The following CSMD1 variants were observed in gnomAD, a reference collection of about 807,000 sequenced individuals.
CSMD1 encodes the protein CUB and sushi domain-containing protein 1.
A neutral mutation model predicts 417.5 loss-of-function variants in CSMD1; 213 were observed. The observed-to-expected ratio is 0.51, with a 90% CI of 0.46 to 0.57. CSMD1 has a LOEUF of 0.57. Among genes scored for constraint, CSMD1 ranks in the 20% least tolerant of loss-of-function variants. CSMD1 has a pLI of 0.00. For synonymous variants in CSMD1, 2,862 were observed against 1,736.8 expected (o/e 1.65, Z -16.11); for missense variants, 6,923 against 4,529.7 (o/e 1.53, Z -15.17).
intron 3 of CSMD1, among the ~76,000 whole-genome samples, chr8:4,379,429 C>G (rs1316204433): frequency 1.3e-5 from 2 of 152,090 alleles, no homozygotes; most frequent in Admixed American, 6.6e-5. Flanking sequence ...TCCAGTAAAG[C>G]CTGCAGTTTA....
intron 1 of CSMD1, among the ~76,000 whole-genome samples, chr8:4,819,178 C>G (rs1009318495): frequency 6.6e-6 from 1 of 152,122 alleles, no homozygotes; most frequent in Non-Finnish European, 1.5e-5. Flanking sequence ...TCTCAAGGAA[C>G]ACACATTCAA....
intron 49 of CSMD1, among the ~76,000 whole-genome samples, chr8:3,073,775 A>G (rs1156997527): frequency 7.0e-6 from 1 of 143,438 alleles, no homozygotes; most frequent in Non-Finnish European, 1.5e-5. Context: ...AATATAAAAT[A>G]TAATGGTCAA....
intron 3 of CSMD1, among the ~76,000 whole-genome samples, chr8:4,080,002 T>A (rs542598576): frequency 3.2e-4 from 48 of 148,078 alleles, no homozygotes; most frequent in African/African-American, 1.2e-3. Flanking sequence ...CGAATATTGG[T>A]GTTTTTTTTT....
chr8:4,445,289 C>G (rs533421360), intron 2 of CSMD1, among the ~76,000 whole-genome samples: 1 of 152,132 alleles, frequency 6.6e-6, no homozygotes, highest in East Asian at 1.9e-4. Flanking sequence ...TATGACATTC[C>G]GTTAGTTATA....
intron 5 of CSMD1, among the ~76,000 whole-genome samples, chr8:3,897,137 G>A (rs1807424393): frequency 6.6e-6 from 1 of 152,196 alleles, no homozygotes; most frequent in African/African-American, 2.4e-5. Context: ...GAGACCCAGT[G>A]TTTTTAAAAC....
intron 2 of CSMD1, among the ~76,000 whole-genome samples, chr8:4,496,503 G>C (rs1254995420): frequency 2.6e-5 from 4 of 152,176 alleles, no homozygotes; most frequent in East Asian, 3.9e-4. Flanking sequence ...TTGTAAGTCG[G>C]GTAATATACC....
chr8:4,002,832 C>G (rs1035442178), intron 4 of CSMD1, among the ~76,000 whole-genome samples: 1 of 152,086 alleles, frequency 6.6e-6, no homozygotes, highest in Admixed American at 6.5e-5. Flanking sequence ...TACAAAATAC[C>G]TGTTACACAA....
At chr8:4,512,100 C>G (rs989475236) in intron 2 of CSMD1, among the ~76,000 whole-genome samples, 1 of 152,136 alleles carries the variant, frequency 6.6e-6, no homozygotes, top group Non-Finnish European at 1.5e-5. Context: ...CCATGTTTCA[C>G]TGGGATTCAT....
At chr8:4,964,199 T>A (rs537071229) in intron 1 of CSMD1, among the ~76,000 whole-genome samples, 1 of 152,014 alleles carries the variant, frequency 6.6e-6, no homozygotes, top group Non-Finnish European at 1.5e-5. Context: ...CATTAATACA[T>A]TTTAGAGCAA....
intron 1 of CSMD1, among the ~76,000 whole-genome samples, chr8:4,956,879 A>G (rs544317045): frequency 6.6e-6 from 1 of 152,284 alleles, no homozygotes; most frequent in South Asian, 2.1e-4. Context: ...CCTCCACACC[A>G]AGCGGCAATC....
At chr8:4,033,765 G>C (rs193280397) in intron 3 of CSMD1, among the ~76,000 whole-genome samples, 2 of 151,966 alleles carry the variant, frequency 1.3e-5, no homozygotes, top group African/African-American at 4.8e-5. Context: ...GTTCTTTTTG[G>C]TCCTCTCACT....
chr8:4,727,947 T>C (rs1422325858), intron 1 of CSMD1, among the ~76,000 whole-genome samples: 2 of 79,386 alleles, frequency 2.5e-5, no homozygotes, highest in Non-Finnish European at 4.4e-5. Context: ...ATACAAAATA[T>C]ATATATGTAT....
intron 49 of CSMD1, among the ~76,000 whole-genome samples, chr8:3,084,119 C>G (rs1814344190): frequency 6.6e-6 from 1 of 152,174 alleles, no homozygotes; most frequent in Non-Finnish European, 1.5e-5. Flanking sequence ...CCACAACACA[C>G]CATATGCAAT....
intron 3 of CSMD1, among the ~76,000 whole-genome samples, chr8:4,119,599 G>GT (rs1802364154): frequency 6.6e-6 from 1 of 151,474 alleles, no homozygotes; most frequent in Admixed American, 6.6e-5. Flanking sequence ...TCTATCTAGG[G>GT]AGGAGACCAG....
chr8:4,669,598 A>C (rs1300553889), intron 1 of CSMD1, among the ~76,000 whole-genome samples: 1 of 152,210 alleles, frequency 6.6e-6, no homozygotes, highest in Non-Finnish European at 1.5e-5. Flanking sequence ...GCATTAGGGT[A>C]GCTACTAAGT....
At chr8:4,323,755 C>T (rs527541507) in intron 3 of CSMD1, among the ~76,000 whole-genome samples, 2 of 61,108 alleles carry the variant, frequency 3.3e-5, no homozygotes, top group African/African-American at 3.4e-5. Flanking sequence ...CTCAAATATC[C>T]CCCCCTTCCC....
intron 5 of CSMD1, among the ~76,000 whole-genome samples, chr8:3,841,595 A>G (rs1275381982): frequency 6.6e-6 from 1 of 152,184 alleles, no homozygotes; most frequent in Non-Finnish European, 1.5e-5. Flanking sequence ...TATTAGCACT[A>G]GAAAGGATTT....
At chr8:4,290,136 G>A (rs1446073844) in intron 3 of CSMD1, among the ~76,000 whole-genome samples, 2 of 152,174 alleles carry the variant, frequency 1.3e-5, no homozygotes, top group East Asian at 3.9e-4. Context: ...AACAGGCAGG[G>A]AGTGGTGAGG....
intron 37 of CSMD1, among the ~76,000 whole-genome samples, chr8:3,180,800 T>C (rs999722339): frequency 6.6e-6 from 1 of 151,926 alleles, no homozygotes; most frequent in African/African-American, 2.4e-5. Flanking sequence ...CAGCTAATTT[T>C]TTTTTGTATT....
Sources: allele counts gnomAD v4.1 joint callset (sites outside exome capture counted in the v4.1 genomes callset), GRCh38; gene constraint gnomAD v4.1.1; transcripts MANE v1.5; gene names NCBI Gene and HGNC (gene_info 2026-07-23, HGNC 2026-07-21).